The following GSTCD variants were observed in gnomAD, a reference collection of about 807,000 sequenced individuals.
The protein encoded by GSTCD is glutathione S-transferase C-terminal domain-containing protein.
A neutral mutation model predicts 68.3 loss-of-function variants in GSTCD; 44 were observed. The observed-to-expected ratio is 0.64, with a 90% CI of 0.51 to 0.83. The LOEUF is 0.83. Among genes scored for constraint, GSTCD ranks in the 40% least tolerant of loss-of-function variants. The probability of loss-of-function intolerance (pLI) is 0.00; values close to 1 mark genes in which losing one functional copy is unlikely to be tolerated. For synonymous variants in GSTCD, 273 were observed against 255.2 expected, an observed-to-expected ratio of 1.07 and a Z score of -0.67; for missense variants, 739 against 735.9, an observed-to-expected ratio of 1.00 and a Z score of -0.05.
chr4:105,787,422 G>C (rs1735505552), intron 5 of GSTCD, among the ~76,000 whole-genome samples: 1 of 151,978 alleles, frequency 6.6e-6, no homozygotes, highest in African/African-American at 2.4e-5. Flanking sequence ...ATATTTTAAG[G>C]CCCCACCTCT....
At chr4:105,710,383 G>GC (rs1004061548) in intron 1 of GSTCD, among the ~76,000 whole-genome samples, 1 of 145,738 alleles carries the variant, frequency 6.9e-6, no homozygotes, top group Non-Finnish European at 1.5e-5. Flanking sequence ...ATCACACTCG[G>GC]CTCCTTTTTT....
intron 5 of GSTCD, among the ~76,000 whole-genome samples, chr4:105,781,692 A>C (rs1178299948): frequency 1.3e-5 from 2 of 152,166 alleles, no homozygotes; most frequent in African/African-American, 4.8e-5. Context: ...GAAGAATTAA[A>C]ACACAAATAT....
chr4:105,802,503 T>G (rs1416260838), intron 5 of GSTCD, among the ~76,000 whole-genome samples: 1 of 152,084 alleles, frequency 6.6e-6, no homozygotes, highest in Non-Finnish European at 1.5e-5. Flanking sequence ...ACCAGGTGAG[T>G]TCTTTGAAAT....
At chr4:105,813,818 G>T (rs1183343981) in intron 5 of GSTCD, among the ~76,000 whole-genome samples, 2 of 152,058 alleles carry the variant, frequency 1.3e-5, no homozygotes, top group Non-Finnish European at 2.9e-5. Context: ...ATGGCTTCAA[G>T]ATTACCTAAT....
intron 5 of GSTCD, among the ~76,000 whole-genome samples, chr4:105,748,765 AT>A (rs1238506145): frequency 2.7e-5 from 4 of 150,790 alleles, no homozygotes; most frequent in African/African-American, 9.6e-5. Flanking sequence ...TGAGTGATAT[AT>A]AGAGCAAAAC....
chr4:105,814,131 C>T (rs1205819529), intron 5 of GSTCD, among the ~76,000 whole-genome samples: 1 of 152,150 alleles, frequency 6.6e-6, no homozygotes, highest in African/African-American at 2.4e-5. Flanking sequence ...AACCAGTATA[C>T]CTATTTCAGT....
chr4:105,810,829 AG>A, intron 5 of GSTCD, among the ~76,000 whole-genome samples: 1 of 152,140 alleles, frequency 6.6e-6, no homozygotes. Flanking sequence ...GAGCCCAAGT[AG>A]CATATAACTG....
chr4:105,794,321 T>A (rs1432558491), intron 5 of GSTCD, among the ~76,000 whole-genome samples: 1 of 151,996 alleles, frequency 6.6e-6, no homozygotes, highest in African/African-American at 2.4e-5. Context: ...CGTACGATAC[T>A]ACAATGGTAG....
chr4:105,769,524 G>A (rs1734756759), intron 5 of GSTCD, among the ~76,000 whole-genome samples: 1 of 151,948 alleles, frequency 6.6e-6, no homozygotes. Context: ...TCTATTTTTA[G>A]ATTATTGAAT....
chr4:105,786,592 G>A (rs531571951), intron 5 of GSTCD, among the ~76,000 whole-genome samples: 11 of 148,160 alleles, frequency 7.4e-5, no homozygotes, highest in Non-Finnish European at 1.3e-4. Context: ...CAAATTATAT[G>A]CCTGATAAGA....
chr4:105,829,156 A>G (rs1424173620), intron 8 of GSTCD, among the ~76,000 whole-genome samples: 1 of 151,210 alleles, frequency 6.6e-6, no homozygotes, highest in Non-Finnish European at 1.5e-5. Flanking sequence ...CTGTCCCCAG[A>G]GAAAAGAACT....
chr4:105,795,502 T>A (rs1735850480), intron 5 of GSTCD, among the ~76,000 whole-genome samples: 1 of 152,084 alleles, frequency 6.6e-6, no homozygotes, highest in Non-Finnish European at 1.5e-5. Flanking sequence ...TAAGTGTTCA[T>A]GGGCATTTAA....
At chr4:105,756,735 T>C (rs1734211434) in intron 5 of GSTCD, among the ~76,000 whole-genome samples, 2 of 152,038 alleles carry the variant, frequency 1.3e-5, no homozygotes, top group African/African-American at 4.8e-5. Flanking sequence ...GGGCAAATAC[T>C]CTGCAGATAT....
At position 105,764,919 on chromosome 4, in the gene GSTCD, C is replaced by T. The variant is rs79065345; in HGVS notation, c.1240+35420C>T. Reference sequence around the variant, plus strand: ...AACTTACCTCACTTAGAGAAAACTTCGAGGTGTTTTGTATTCACTTTATAT... The same window carrying T: ...AACTTACCTCACTTAGAGAAAACTTTGAGGTGTTTTGTATTCACTTTATAT... On this transcript the variant is annotated intron_variant, in intron 5 of 11. Transcript: ENST00000515279. Among the ~76,000 whole-genome samples the T allele has an allele frequency of 9.6e-3, 1,462 of 152,204 alleles. 25 individuals are homozygous for T. Among genetic ancestry groups the T allele is most frequent in the African/African-American group, 0.034 (1,401 of 41,522 alleles).
In GSTCD at chr4:105,769,801, G is replaced by T. The variant is rs1274955464; in HGVS notation, c.1240+40302G>T. 2.0e-5 allele frequency among the ~76,000 whole-genome samples: 3 copies of T among 152,000 alleles called. No homozygotes were observed. In the East Asian group the frequency reaches 5.8e-4, roughly 29 times the overall value. ...GACAAGGCCTCACTCTGTCACCCAG[G>T]CTGGAATGCAATGGCACATTTATAG... is the stretch of plus-strand genomic sequence containing the variant. On this transcript the variant is annotated intron_variant, in intron 5 of 11. Transcript: ENST00000515279.
chr4:105,781,516 C>T (rs1735272841), intron 5 of GSTCD, among the ~76,000 whole-genome samples: 1 of 151,912 alleles, frequency 6.6e-6, no homozygotes, highest in African/African-American at 2.4e-5. Flanking sequence ...CTTAGCCTCG[C>T]AAAGTGCCCA....
chr4:105,819,986 A>G (rs66778965), intron 5 of GSTCD, among the ~76,000 whole-genome samples: 9,372 of 151,852 alleles, frequency 0.062, 432 homozygotes, highest in Non-Finnish European at 0.095. Flanking sequence ...ATGAGTATCC[A>G]TGCACTCTTT....
intron 9 of GSTCD, among the ~76,000 whole-genome samples, chr4:105,836,842 A>G (rs1459283944): frequency 6.6e-5 from 10 of 152,172 alleles, no homozygotes; most frequent in African/African-American, 2.2e-4. Flanking sequence ...TGTGAATAAG[A>G]CCTATCTCAA....
At chr4:105,844,569 A>G (rs575121895) in intron 11 of GSTCD, among the ~76,000 whole-genome samples, 1 of 152,290 alleles carries the variant, frequency 6.6e-6, no homozygotes, top group South Asian at 2.1e-4. Context: ...ATCAGTTTCC[A>G]CTGTCATTCA....
Sources: gnomAD v4.1 joint callset for allele counts (sites outside exome capture counted in the v4.1 genomes callset) on GRCh38, gnomAD v4.1.1 for gene constraint, MANE v1.5 for transcripts, NCBI Gene and HGNC (gene_info 2026-07-23, HGNC 2026-07-21) for gene names.